THNSL2: variants seen among roughly 807,000 people sequenced by gnomAD.
The protein encoded by THNSL2 is threonine synthase-like 2.
Under a neutral mutation model 40.0 loss-of-function variants are expected in THNSL2, and 34 were observed. The ratio of observed to expected loss-of-function variants is 0.85; its 90% CI spans 0.65 to 1.13. THNSL2 has a LOEUF of 1.13. Among genes scored for constraint, THNSL2 ranks in the 50% most tolerant of loss-of-function variants. THNSL2 has a pLI of 0.00. For synonymous variants in THNSL2, 241 were observed against 247.5 expected (o/e 0.97, Z 0.25); for missense variants, 537 against 608.8 (o/e 0.88, Z 1.24).
At chr2:88,179,905 A>G (rs2104217960) in intron 5 of THNSL2, among the ~76,000 whole-genome samples, 1 of 152,314 alleles carries the variant, frequency 6.6e-6, no homozygotes, top group South Asian at 2.1e-4. Context: ...ACTGTTCCTG[A>G]TAGTTCCGGC....
At chr2:88,172,997 G>A (rs1676517074) in intron 1 of THNSL2, 142 bp from the exon 2 acceptor site, 1 of 477,886 alleles carries the variant, frequency 2.1e-6, no homozygotes, top group Non-Finnish European at 3.7e-6. Flanking sequence ...CTTGATACAG[G>A]ACTGCCATCT....
At position 88,178,967 on chromosome 2, in the gene THNSL2, C is replaced by G; in HGVS notation, c.756C>G (p.Pro252=). Residue 252 remains proline (P), a synonymous_variant, in exon 5 of 9, where the codon CCC becomes CCG. Coordinates refer to ENST00000674334, the MANE Select transcript of THNSL2 (RefSeq NM_018271.5). ...CATCCTTGGACACACATCCCCTACC[C>G]CTGGTGGAGGTGGTTGTGCCAACAG... ...CTPSLDTHPL[P]LVEVVVPTGA... is the part of the protein sequence containing the mutation. The G allele has an allele frequency of 6.2e-7, 1 of 1,614,204 alleles. No individual in the cohort carries two copies. The highest frequency in any genetic ancestry group is 8.5e-7 in the Non-Finnish European group (1 of 1,180,042).
At chr2:88,171,511 C>T (rs538982834) in intron 1 of THNSL2, 20 of 333,844 alleles carry the variant, frequency 6.0e-5, no homozygotes, top group African/African-American at 4.1e-4. Context: ...CTCACTCCTG[C>T]GATGGTTTCT....
chr2:88,177,954 C>T (rs916373097), intron 4 of THNSL2, among the ~76,000 whole-genome samples: 7 of 152,310 alleles, frequency 4.6e-5, no homozygotes, highest in African/African-American at 1.7e-4. Context: ...CCCCCAGCTC[C>T]ATTGCTGCTA....
chr2:88,174,948 C>A, intron 3 of THNSL2, 115 bp downstream of exon 3: 2 of 1,262,674 alleles, frequency 1.6e-6, no homozygotes, highest in Non-Finnish European at 2.2e-6. Context: ...TCTTCCAGAG[C>A]AAGGTTCCTA....
rs576980580 is a variant in THNSL2 at position 88,172,881 on chromosome 2, G to A, written c.-12-258G>A. 77 of 303,314 alleles carry A rather than the reference G, an allele frequency of 2.5e-4. 2 individuals are homozygous for A. The South Asian group carries it at 9.7e-3, about 38-fold the overall frequency. 18.8% of individuals were successfully genotyped at this position (303,314 alleles called of 1,614,324 possible). Reference sequence around the variant, plus strand: ...TGAGGACCAAGCTTTCTCTTTTCCCGGCATGCTCCGATACCCTCTCCCTGA... The same window carrying A: ...TGAGGACCAAGCTTTCTCTTTTCCCAGCATGCTCCGATACCCTCTCCCTGA... On this transcript the variant is annotated intron_variant, in intron 1 of 8. Coordinates refer to ENST00000674334, the MANE Select transcript of THNSL2 (RefSeq NM_018271.5).
intron 4 of THNSL2, chr2:88,177,236 T>C (rs1473550643): frequency 2.0e-5 from 3 of 152,258 alleles, no homozygotes; most frequent in African/African-American, 7.2e-5. Flanking sequence ...TAAACGACAC[T>C]ATTCAGATCC....
intron 5 of THNSL2, 45 bp from the exon 6 acceptor site, chr2:88,182,654 T>A (rs1677808355): frequency 1.4e-6 from 2 of 1,473,626 alleles, no homozygotes; most frequent in Non-Finnish European, 1.8e-6. Flanking sequence ...TTCTTTTTGC[T>A]TTTATTTCTA....
chr2:88,181,551 CCTCT>C (rs1173430037), intron 5 of THNSL2, among the ~76,000 whole-genome samples: 1 of 83,524 alleles, frequency 1.2e-5, no homozygotes, highest in African/African-American at 4.5e-5. Flanking sequence ...CTCTCTCTCC[CCTCT>C]CTCTCCTCTC....
At chr2:88,173,581 T>C (rs1024140265) in intron 2 of THNSL2, among the ~76,000 whole-genome samples, 13 of 152,172 alleles carry the variant, frequency 8.5e-5, no homozygotes, top group Non-Finnish European at 1.8e-4. Flanking sequence ...GTTGAAATTT[T>C]CTTCAGAGAA....
chr2:88,183,326 C>G (rs957359865), intron 7 of THNSL2: 2 of 384,918 alleles, frequency 5.2e-6, no homozygotes, highest in African/African-American at 4.0e-5. Context: ...AAACTCTGTG[C>G]CTTGGTTCCT....
intron 1 of THNSL2, chr2:88,172,000 C>T (rs940501925): frequency 6.6e-6 from 1 of 152,342 alleles, no homozygotes; most frequent in African/African-American, 2.4e-5. Flanking sequence ...ATGAGAATTC[C>T]TCCAGGTCAG....
chr2:88,183,183 G>A, intron 7 of THNSL2, 110 bp downstream of exon 7: 1 of 1,435,948 alleles, frequency 7.0e-7, no homozygotes, highest in Non-Finnish European at 9.3e-7. Context: ...TTGAGTACCT[G>A]CTATGAGCCC....
At chr2:88,185,607 G>A in intron 8 of THNSL2, 128 bp downstream of exon 8, 1 of 1,551,528 alleles carries the variant, frequency 6.4e-7, no homozygotes, top group Middle Eastern at 1.7e-4. Flanking sequence ...GGTGCTGTGT[G>A]GAACTGTGCC....
rs1212342094 is a variant in THNSL2 at position 88,185,491 on chromosome 2, G to A, written c.1229+12G>A. ...AGGCAGCAGCCCAGGTACAGGCAATGGGGGCCTGGGCCACTGAGGGACCAT... is the reference window on the plus strand; with the variant it reads ...AGGCAGCAGCCCAGGTACAGGCAATAGGGGCCTGGGCCACTGAGGGACCAT... On this transcript the variant is annotated intron_variant, in intron 8 of 8. Transcript: ENST00000674334. 2 of 1,597,438 alleles carry A rather than the reference G, an allele frequency of 1.3e-6. No individual in the cohort carries two copies. The highest frequency in any genetic ancestry group is 2.3e-5 in the East Asian group (1 of 43,966).
chr2:88,175,263 A>AC lies in THNSL2; in HGVS notation c.434dup (p.Gly146ArgfsTer6), dbSNP rs760360546. On this transcript the variant is annotated frameshift_variant, in exon 4 of 9. Transcript: ENST00000674334. LOFTEE classifies it high-confidence loss of function. ...TTCCCATCCAGGAACATCTGGGGAC[A>AC]CAGGAAGTGCTGCCATTGAGAGTGT... is the stretch of plus-strand genomic sequence containing the variant. 1.9e-6 allele frequency: 3 copies of AC among 1,614,162 alleles called. No homozygotes were observed. In the Admixed American group the frequency reaches 5.0e-5, roughly 27 times the overall value.
In THNSL2 at chr2:88,179,026, C is replaced by T. The variant is rs775508469; in HGVS notation, c.802+13C>T. On this transcript the variant is annotated intron_variant, in intron 5 of 8. Coordinates refer to ENST00000674334, the MANE Select transcript of THNSL2 (RefSeq NM_018271.5). ...GGTAACCTTGCAGGTAAGGAATCCCCGGGGCACAAATGGGCTTTCCAGAAA... is the reference window on the plus strand; with the variant it reads ...GGTAACCTTGCAGGTAAGGAATCCCTGGGGCACAAATGGGCTTTCCAGAAA... The T allele has an allele frequency of 1.4e-5, 22 of 1,613,506 alleles. No homozygotes were observed. The highest frequency in any genetic ancestry group is 5.5e-5 in the South Asian group (5 of 91,060).
rs1398060682 is a variant in THNSL2 at position 88,182,610 on chromosome 2, GT to G, written c.803-86del. 2.7e-5 allele frequency: 37 copies of G among 1,391,928 alleles called. No individual in the cohort carries two copies. The African/African-American group carries it at 4.9e-4, about 18-fold the overall frequency. The allele number at this position is 1,391,928 out of a possible 1,614,324, so 86.2% of individuals were successfully genotyped here. On this transcript the variant is annotated intron_variant, in intron 5 of 8. Coordinates refer to ENST00000674334, the MANE Select transcript of THNSL2 (RefSeq NM_018271.5). ...CACAAAAGCTTCAAAAAGCACAAAA[GT>G]TTCTTAATTTTGATGAAGCCCAATT...
chr2:88,182,796 C>G lies in THNSL2; in HGVS notation c.900C>G (p.Phe300Leu). The G allele has an allele frequency of 6.2e-7, 1 of 1,614,042 alleles. No individual in the cohort carries two copies. Among genetic ancestry groups the G allele is most frequent in the Non-Finnish European group, 8.5e-7 (1 of 1,179,962 alleles). ...ACAGGACTGTCCAGCAGGGAGACTT[C>G]TCTCTCTCTGAGGCTGTTAAATCAA... Reference protein sequence around the residue: ...IIHRTVQQGDFSLSEAVKSTL... With the variant: ...IIHRTVQQGDLSLSEAVKSTL... The change falls in exon 6 of 9, where the codon TTC becomes TTG. Residue 300 changes from phenylalanine (F) to leucine (L), a missense_variant. Physicochemically the swap from Phe to Leu is conservative, Grantham distance 22. Coordinates refer to ENST00000674334, the MANE Select transcript of THNSL2 (RefSeq NM_018271.5).
Sources: gnomAD v4.1 joint callset for allele counts (sites outside exome capture counted in the v4.1 genomes callset) on GRCh38, gnomAD v4.1.1 for gene constraint, MANE v1.5 for transcripts, NCBI Gene and HGNC (gene_info 2026-07-23, HGNC 2026-07-21) for gene names.